The following ZNF385A variants were observed in gnomAD, a reference collection of about 807,000 sequenced individuals.
ZNF385A encodes the protein hematopoietic zinc finger protein.
A neutral mutation model predicts 32.1 loss-of-function variants in ZNF385A; 14 were observed. The observed-to-expected ratio is 0.44, with a 90% CI of 0.29 to 0.68. The LOEUF (loss-of-function observed/expected upper bound fraction) is 0.68. Ranked by LOEUF, ZNF385A falls within the 30% of genes least tolerant of loss-of-function variation. The pLI, the probability that ZNF385A is intolerant of heterozygous loss-of-function variation, is 0.14. For missense variants in ZNF385A, 406 were observed against 478.4 expected, an observed-to-expected ratio of 0.85 and a Z score of 1.41; for synonymous variants, 197 against 202.7, an observed-to-expected ratio of 0.97 and a Z score of 0.24.
rs1279136231 is a variant in ZNF385A, at chr12:54,369,387, C to G, written c.*869G>C. 1 of 151,824 alleles carries G rather than the reference C, an allele frequency of 6.6e-6. No individual in the cohort carries two copies. Among genetic ancestry groups the G allele is most frequent in the African/African-American group, 2.4e-5 (1 of 41,236 alleles). The allele number at this position is 151,824 out of a possible 1,614,324, so 9.4% of individuals were successfully genotyped here. A position where few individuals can be genotyped will look rare whatever the true frequency, so the allele number is the denominator to read the frequency against. On this transcript the variant is annotated 3_prime_UTR_variant, in exon 7 of 7. Transcript: ENST00000394313. ...GGAGGTGACTGGTGGGAGGGGACAG[C>G]CATGAGGTCTAGGAACTTGGATCGG...
chr12:54,379,133 TGGCCGGGCCG>T, intron 1 of ZNF385A: 1 of 979,868 alleles, frequency 1.0e-6, no homozygotes, highest in Non-Finnish European at 1.2e-6. Flanking sequence ...GGGCCGCGCC[TGGCCGGGCCG>T]GGCAGGCCAG....
At position 54,370,492 on chromosome 12, in the gene ZNF385A, G is replaced by A. The variant is rs1245248609; in HGVS notation, c.871-6C>T. ...TTGGAGAAAGTCAGCGTGCCCTGAA[G>A]CGGGCGAAAGGCGGAGGAAGAGAAG... On this transcript the variant is annotated splice_region_variant and splice_polypyrimidine_tract_variant and intron_variant, in intron 6 of 6. Coordinates refer to ENST00000394313, the MANE Select transcript of ZNF385A (RefSeq NM_015481.3). The surrounding 1 kb of genome is among the most constrained non-coding windows in gnomAD (Gnocchi z 5.5). 6.4e-7 allele frequency: 1 copy of A among 1,551,196 alleles called. No individual in the cohort carries two copies. Among genetic ancestry groups the A allele is most frequent in the Non-Finnish European group, 8.7e-7 (1 of 1,146,836 alleles).
intron 1 of ZNF385A, among the ~76,000 whole-genome samples, chr12:54,380,777 CTGAT>C (rs1404203520): frequency 1.3e-5 from 2 of 152,184 alleles, no homozygotes; most frequent in African/African-American, 4.8e-5. Context: ...GCAGCTAACA[CTGAT>C]TGAGCACTTA....
rs1362352130 is a variant in ZNF385A at position 54,369,809 on chromosome 12, G to C, written c.*447C>G. 3 of 155,104 alleles carry C rather than the reference G, an allele frequency of 1.9e-5. No individual in the cohort carries two copies. Among genetic ancestry groups the C allele is most frequent in the African/African-American group, 7.2e-5 (3 of 41,526 alleles). 9.6% of individuals were successfully genotyped at this position (155,104 alleles called of 1,614,324 possible). On this transcript the variant is annotated 3_prime_UTR_variant, in exon 7 of 7. Transcript: ENST00000394313. ...TCCCCTCCCCCTACGGAGGACGGGG[G>C]TGTTCACGGAAGCGCTTCAGTTTGG...
upstream of ZNF385A, chr12:54,385,672 C>T (rs1275007577): frequency 1.0e-6 from 1 of 985,430 alleles, no homozygotes; most frequent in Non-Finnish European, 1.2e-6. Context: ...CCCTTTCATA[C>T]CTTTAGTTTC....
At position 54,384,665 on chromosome 12, in the gene ZNF385A, A is replaced by G. The variant is rs1281456760; in HGVS notation, c.-151T>C. On this transcript the variant is annotated 5_prime_UTR_variant, in exon 1 of 7. Transcript: ENST00000394313. ...CTCCCTAGCCAGGGCCCCCACACTC[A>G]GAAGTGTCACCCTCAGTGCACATAG... 1.7e-5 allele frequency: 24 copies of G among 1,414,164 alleles called. No homozygotes were observed. The highest frequency in any genetic ancestry group is 2.1e-5 in the Non-Finnish European group (23 of 1,089,488). 87.6% of individuals were successfully genotyped at this position (1,414,164 alleles called of 1,614,324 possible). A position where few individuals can be genotyped will look rare whatever the true frequency, so the allele number is the denominator to read the frequency against.
chr12:54,369,777 C>A lies in ZNF385A; in HGVS notation c.*479G>T, dbSNP rs564952574. The A allele has an allele frequency of 3.1e-4, 48 of 154,014 alleles. 1 individual carries two copies. The highest frequency in any genetic ancestry group is 7.2e-5 in the Non-Finnish European group (5 of 69,016). 9.5% of individuals were successfully genotyped at this position (154,014 alleles called of 1,614,324 possible). On this transcript the variant is annotated 3_prime_UTR_variant, in exon 7 of 7. Transcript: ENST00000394313. ...AGTGCTTATGAGGGACCCAGGATCC[C>A]GCCTGCTCCCCTCCCCCTACGGAGG...
rs370695666 is a variant in ZNF385A, at chr12:54,371,109, G to T, written c.605-13C>A. The T allele has an allele frequency of 1.9e-6, 3 of 1,577,596 alleles. No homozygotes were observed. Among genetic ancestry groups the T allele is most frequent in the Non-Finnish European group, 2.6e-6 (3 of 1,165,046 alleles). The stretch of plus-strand genomic sequence containing the variant: ...TTGTGCTTAGTACCTGGAGCCCAGA[G>T]AGGGCAGGAGGTAAGGGGTGGAAGA... On this transcript the variant is annotated splice_polypyrimidine_tract_variant and intron_variant, in intron 4 of 6. Transcript: ENST00000394313.
rs1954421135 is a variant in ZNF385A, at chr12:54,369,872, A to C, written c.*384T>G. 5.8e-6 allele frequency: 1 copy of C among 172,978 alleles called. No homozygotes were observed. Among genetic ancestry groups the C allele is most frequent in the African/African-American group, 2.4e-5 (1 of 42,304 alleles). 10.7% of individuals were successfully genotyped at this position (172,978 alleles called of 1,614,324 possible). On this transcript the variant is annotated 3_prime_UTR_variant, in exon 7 of 7. Transcript: ENST00000394313. ...GAGTCCCAGAGTCCGCTTATTGCCAAGAAAATCCATTTCTGTCCCCCCCGG... is the reference window on the plus strand; with the variant it reads ...GAGTCCCAGAGTCCGCTTATTGCCACGAAAATCCATTTCTGTCCCCCCCGG...
In ZNF385A at chr12:54,383,415, C is replaced by T. The variant is rs571005400; in HGVS notation, c.87+1013G>A. ...TCCTTGAAATTACCTCCCCCATTCT[C>T]CCTTTCTCTCCACTCATACTGCCAC... On this transcript the variant is annotated intron_variant, in intron 1 of 6. Transcript: ENST00000394313. Among the ~76,000 whole-genome samples, 3 of 152,252 alleles carry T rather than the reference C, an allele frequency of 2.0e-5. 1 individual carries two copies. The South Asian group carries it at 6.2e-4, about 32-fold the overall frequency.
chr12:54,370,764 G>T lies in ZNF385A; in HGVS notation c.775-43C>A. The T allele has an allele frequency of 6.3e-7, 1 of 1,577,222 alleles. No homozygotes were observed. On this transcript the variant is annotated intron_variant, in intron 5 of 6. Transcript: ENST00000394313. This position sits in a 1 kb window ranked among gnomAD's most constrained non-coding sequence, Gnocchi z 5.5. ...TAGGGGGCTGTGAGCTCCCGGAAAG[G>T]GGCAACAGCGAGGGAGTATAATCAA...
intron 2 of ZNF385A, 62 bp from the exon 3 acceptor site, chr12:54,374,197 C>G (rs74721071): frequency 7.2e-7 from 1 of 1,394,090 alleles, no homozygotes; most frequent in African/African-American, 1.4e-5. Flanking sequence ...GATCTCCCCA[C>G]AGAGCTCCCT....
intron 1 of ZNF385A, 54 bp downstream of exon 1, chr12:54,384,374 G>A: frequency 6.6e-7 from 1 of 1,525,022 alleles, no homozygotes; most frequent in Non-Finnish European, 8.8e-7. Context: ...GTGGGTCTGA[G>A]AGAGAAAGGT....
At chr12:54,383,965 C>A (rs914998058) in intron 1 of ZNF385A, among the ~76,000 whole-genome samples, 4 of 152,210 alleles carry the variant, frequency 2.6e-5, no homozygotes. Flanking sequence ...TCTAGACCAC[C>A]TTGCCAGTCC....
At chr12:54,379,309 A>G in intron 1 of ZNF385A, 5 of 485,272 alleles carry the variant, frequency 1.0e-5, no homozygotes, top group Non-Finnish European at 1.3e-5. Flanking sequence ...GGAGCTGAAG[A>G]GGAATGAAAG....
At chr12:54,372,979 C>G in intron 3 of ZNF385A, 1 of 177,194 alleles carries the variant, frequency 5.6e-6, no homozygotes, top group Non-Finnish European at 1.2e-5. Flanking sequence ...GTGGAGGTTG[C>G]AGTGAGCTGA....
rs1205421000 is a variant in ZNF385A, at chr12:54,370,583, C to T, written c.870+43G>A. 3.2e-6 allele frequency: 5 copies of T among 1,561,190 alleles called. No individual in the cohort carries two copies. The highest frequency in any genetic ancestry group is 1.7e-4 in the Middle Eastern group (1 of 5,938). On this transcript the variant is annotated intron_variant, in intron 6 of 6. Transcript: ENST00000394313. The surrounding 1 kb of genome is among the most constrained non-coding windows in gnomAD (Gnocchi z 5.5). ...AGCCCGCGTCCCTCTCTCCTCCCCG[C>T]CCGCGCCCTCCCACTGCTGAATTCC...
intron 2 of ZNF385A, among the ~76,000 whole-genome samples, chr12:54,375,286 G>A (rs960374054): frequency 6.6e-6 from 1 of 152,158 alleles, no homozygotes; most frequent in African/African-American, 2.4e-5. Flanking sequence ...TTTGGGTTTG[G>A]GGTAGCTTCT....
chr12:54,370,223 G>T lies in ZNF385A; in HGVS notation c.*33C>A. 7.1e-7 allele frequency: 1 copy of T among 1,405,138 alleles called. No homozygotes were observed. The highest frequency in any genetic ancestry group is 9.3e-7 in the Non-Finnish European group (1 of 1,072,868). The allele number at this position is 1,405,138 out of a possible 1,614,324, so 87.0% of individuals were successfully genotyped here. Reference sequence around the variant, plus strand: ...GGACGCCTGGGTCCCGGCTGGAGGTGGGGAGTTGAATGGGAGGGGTTCAGG... The same window carrying T: ...GGACGCCTGGGTCCCGGCTGGAGGTTGGGAGTTGAATGGGAGGGGTTCAGG... On this transcript the variant is annotated 3_prime_UTR_variant, in exon 7 of 7. Transcript: ENST00000394313. The surrounding 1 kb of genome is among the most constrained non-coding windows in gnomAD (Gnocchi z 5.5).
Sources: gnomAD v4.1 joint callset for allele counts (sites outside exome capture counted in the v4.1 genomes callset) on GRCh38, gnomAD v4.1.1 for gene constraint, Gnocchi (gnomAD v3.1) non-coding constraint, MANE v1.5 for transcripts, NCBI Gene and HGNC (gene_info 2026-07-23, HGNC 2026-07-21) for gene names.